CIMAP1D: variants seen among roughly 807,000 people sequenced by gnomAD.
CIMAP1D encodes the protein protein CIMAP1D.
the CIMAP1D span, chr19:464,067 C>T: frequency 1.1e-4 from 175 of 1,561,582 alleles, no homozygotes; most frequent in Non-Finnish European, 1.4e-4. Context: ...CAGGCGCTGG[C>T]GGTAGGTGTT....
At chr19:466,492 C>T in the CIMAP1D span, among the ~76,000 whole-genome samples, 2 of 116,578 alleles carry the variant, frequency 1.7e-5, no homozygotes, top group Non-Finnish European at 3.6e-5. Flanking sequence ...TGGGTGGATA[C>T]ATGGTTAGGT....
the CIMAP1D span, among the ~76,000 whole-genome samples, chr19:491,606 C>G: frequency 1.3e-5 from 2 of 151,856 alleles, no homozygotes; most frequent in South Asian, 2.1e-4. Context: ...CAGGCCTCGC[C>G]GCTTCCCCAG....
At chr19:475,681 G>A in the CIMAP1D span, among the ~76,000 whole-genome samples, 1 of 152,102 alleles carries the variant, frequency 6.6e-6, no homozygotes, top group Non-Finnish European at 1.5e-5. Flanking sequence ...ACTGCGTGAG[G>A]CTCCAAGAAG....
At chr19:491,095 C>CAA in the CIMAP1D span, among the ~76,000 whole-genome samples, 725 of 115,034 alleles carry the variant, frequency 6.3e-3, 4 homozygotes, top group Middle Eastern at 0.044. Flanking sequence ...GGCTTTGTCT[C>CAA]AAAAAAAAAA....
At chr19:488,756 C>G in the CIMAP1D span, among the ~76,000 whole-genome samples, 4 of 152,224 alleles carry the variant, frequency 2.6e-5, no homozygotes, top group African/African-American at 9.6e-5. Flanking sequence ...GGAACAGGAC[C>G]CGGCTTCCCA....
chr19:491,558 C>CG, the CIMAP1D span, among the ~76,000 whole-genome samples: 1 of 151,982 alleles, frequency 6.6e-6, no homozygotes, highest in Admixed American at 6.6e-5. Context: ...GAGATGCCCC[C>CG]GGGAGCACCA....
At chr19:465,753 G>A in the CIMAP1D span, among the ~76,000 whole-genome samples, 2 of 140,798 alleles carry the variant, frequency 1.4e-5, no homozygotes, top group African/African-American at 2.8e-5. Flanking sequence ...AGATGGATGG[G>A]TAGGTGGATA....
At chr19:478,780 C>T in the CIMAP1D span, among the ~76,000 whole-genome samples, 6 of 152,254 alleles carry the variant, frequency 3.9e-5, no homozygotes, top group South Asian at 2.1e-4. Flanking sequence ...CGGCTGCAGG[C>T]GAGGGACGTC....
chr19:483,566 G>A, the CIMAP1D span, among the ~76,000 whole-genome samples: 1,042 of 152,318 alleles, frequency 6.8e-3, 16 homozygotes, highest in African/African-American at 0.024. Context: ...AGGGGACGCT[G>A]GGCAGTGTCC....
At chr19:486,327 C>T in the CIMAP1D span, among the ~76,000 whole-genome samples, 10 of 152,282 alleles carry the variant, frequency 6.6e-5, no homozygotes, top group African/African-American at 2.4e-4. Flanking sequence ...CTGCACTCAC[C>T]GTACATTCTG....
the CIMAP1D span, among the ~76,000 whole-genome samples, chr19:469,723 G>A: frequency 1.3e-5 from 2 of 150,170 alleles, no homozygotes; most frequent in African/African-American, 4.9e-5. Context: ...AGAAATCCCT[G>A]GTCATAATCC....
At chr19:472,248 T>C in the CIMAP1D span, 1 of 424,170 alleles carries the variant, frequency 2.4e-6, no homozygotes, top group Non-Finnish European at 4.2e-6. Flanking sequence ...AAGTAGGAGG[T>C]GGAGCAGGTT....
chr19:484,852 C>T, the CIMAP1D span, among the ~76,000 whole-genome samples: 23 of 152,096 alleles, frequency 1.5e-4, no homozygotes, highest in Non-Finnish European at 2.5e-4. Flanking sequence ...GTGGGAGCCA[C>T]GGAGGCCTCT....
At chr19:471,603 C>T in the CIMAP1D span, among the ~76,000 whole-genome samples, 1 of 152,014 alleles carries the variant, frequency 6.6e-6, no homozygotes, top group Non-Finnish European at 1.5e-5. Context: ...CTACCACACC[C>T]AGCTTTTCGG....
chr19:463,636 A>C, the CIMAP1D span: 1 of 699,332 alleles, frequency 1.4e-6, no homozygotes. Context: ...CACTGGAAGG[A>C]GACTCACCCT....
the CIMAP1D span, among the ~76,000 whole-genome samples, chr19:481,384 G>GTAGGAAGGATGA: frequency 9.0e-6 from 1 of 111,002 alleles, no homozygotes; most frequent in Non-Finnish European, 1.7e-5. Context: ...GAGAAGGAAT[G>GTAGGAAGGATGA]TGGGAAGGAT....
the CIMAP1D span, among the ~76,000 whole-genome samples, chr19:488,382 C>T: frequency 1.3e-5 from 2 of 151,994 alleles, no homozygotes; most frequent in Admixed American, 1.3e-4. Context: ...ATTAGCCGGG[C>T]GTGGTGGCAG....
chr19:478,322 A>C, the CIMAP1D span, among the ~76,000 whole-genome samples: 1 of 97,104 alleles, frequency 1.0e-5, no homozygotes, highest in African/African-American at 1.9e-4. Flanking sequence ...GCCACACCAG[A>C]CAGCCACTAA....
At chr19:480,216 C>T in the CIMAP1D span, among the ~76,000 whole-genome samples, 3 of 152,242 alleles carry the variant, frequency 2.0e-5, no homozygotes, top group African/African-American at 4.8e-5. Flanking sequence ...CGACGAGGCC[C>T]GTGCAGCTGG....
Sources: gnomAD v4.1 joint callset for allele counts (sites outside exome capture counted in the v4.1 genomes callset) on GRCh38, gnomAD v4.1.1 for gene constraint, MANE v1.5 for transcripts, NCBI Gene and HGNC (gene_info 2026-07-23, HGNC 2026-07-21) for gene names.